Variants in CLUH observed in about 807,000 individuals in gnomAD.
CLUH encodes the protein clustered mitochondria protein homolog.
In CLUH, 77 loss-of-function variants were observed where a neutral mutation model predicts 139.3. The observed-to-expected ratio is 0.55, with a 90% CI of 0.46 to 0.67. The LOEUF is 0.67. CLUH is among the 30% of genes least tolerant of loss of function. The pLI is 0.00. For synonymous variants in CLUH, 999 were observed against 801.6 expected (o/e 1.25, Z -4.16); for missense variants, 1,876 against 1,875.8 (o/e 1.00, Z 0.00).
intron 1 of CLUH, among the ~76,000 whole-genome samples, chr17:2,710,031 G>A (rs574244132): frequency 6.8e-6 from 1 of 147,508 alleles, no homozygotes; most frequent in East Asian, 2.1e-4. Flanking sequence ...ACAGACGCTC[G>A]TCAGCCCCCT....
chr17:2,698,665 A>C, intron 9 of CLUH, 75 bp from the exon 10 acceptor site: 9 of 1,371,308 alleles, frequency 6.6e-6, no homozygotes, highest in Non-Finnish European at 8.7e-6. Context: ...AAGCGCACGC[A>C]CCTAGACCGC....
chr17:2,711,512 C>A, intron 1 of CLUH, 50 bp downstream of exon 1: 2 of 498,554 alleles, frequency 4.0e-6, no homozygotes, highest in Non-Finnish European at 5.2e-6. Flanking sequence ...CCCGCCCGCC[C>A]TGGTCCGGCG....
rs950890650 is a variant in CLUH at position 2,695,227 on chromosome 17, C to G, written c.2598G>C (p.Thr866=). ...ITRSAKHIFK[T]YLQGVELSGL... ...AGCGGACGGGTGGCACCTGTAAGTA[C>G]GTCTTGAAGATGTGCTTGGCCGAGC... Residue 866 remains threonine, a synonymous_variant, in exon 15 of 26, where the codon ACG becomes ACC. Coordinates refer to ENST00000651024, the MANE Select transcript of CLUH (RefSeq NM_001366661.1). The G allele has an allele frequency of 1.2e-6, 2 of 1,613,894 alleles. No homozygotes were observed. Among genetic ancestry groups the G allele is most frequent in the Non-Finnish European group, 1.7e-6 (2 of 1,179,852 alleles).
At position 2,703,626 on chromosome 17, in the gene CLUH, C is replaced by T; in HGVS notation, c.304-137G>A. The T allele has an allele frequency of 1.3e-6, 1 of 791,988 alleles. No individual in the cohort carries two copies. Among genetic ancestry groups the T allele is most frequent in the East Asian group, 2.6e-5 (1 of 38,000 alleles). 49.1% of individuals were successfully genotyped at this position (791,988 alleles called of 1,614,324 possible). On this transcript the variant is annotated intron_variant, in intron 2 of 25. Transcript: ENST00000651024. This position sits in a 1 kb window ranked among gnomAD's most constrained non-coding sequence, Gnocchi z 4.2. The stretch of plus-strand genomic sequence containing the variant: ...TGTCCCCAGCCCAAAGTACCTTGGT[C>T]CCCAGAATAAATGCCCCAAATACTC...
chr17:2,697,841 C>T (rs1439002291), intron 10 of CLUH, 55 bp downstream of exon 10: 22 of 1,415,634 alleles, frequency 1.6e-5, no homozygotes, highest in East Asian at 5.0e-5. Context: ...CCACCCAGGG[C>T]GCCCGCACTC....
In CLUH at chr17:2,701,936, G is replaced by A; in HGVS notation, c.597C>T (p.Val199=). 1 of 1,613,948 alleles carries A rather than the reference G, an allele frequency of 6.2e-7. No individual in the cohort carries two copies. The highest frequency in any genetic ancestry group is 8.5e-7 in the Non-Finnish European group (1 of 1,179,908). The change falls in exon 4 of 26, where the codon GTC becomes GTT. Residue 199 remains valine (V), a synonymous_variant. Transcript: ENST00000651024. ...VDCNSLSFLS[V]FTDGDLGDSG... ...CACCTCCCAGGTCGCCGTCGGTGAA[G>A]ACACTCAGGAAGGACAAGGAGTTGC...
In CLUH at chr17:2,707,140, C is replaced by T; in HGVS notation, c.101-2576G>A. On this transcript the variant is annotated intron_variant, in intron 1 of 25. Coordinates refer to ENST00000651024, the MANE Select transcript of CLUH (RefSeq NM_001366661.1). The surrounding 1 kb of genome is among the most constrained non-coding windows in gnomAD (Gnocchi z 7.4). ...AAGGCTGAGCGATCTCCCCCGCAGG[C>T]AGCTGGCTGGCTCACCAGGTCCCGG... The T allele has an allele frequency of 1.0e-6, 1 of 980,956 alleles. No homozygotes were observed. Among genetic ancestry groups the T allele is most frequent in the Non-Finnish European group, 1.2e-6 (1 of 825,854 alleles). 60.8% of individuals were successfully genotyped at this position (980,956 alleles called of 1,614,324 possible). A position where few individuals can be genotyped will look rare whatever the true frequency, so the allele number is the denominator to read the frequency against.
At position 2,706,195 on chromosome 17, in the gene CLUH, G is replaced by A. The variant is rs1053952578; in HGVS notation, c.101-1631C>T. Among the ~76,000 whole-genome samples, 1 of 152,130 alleles carries A rather than the reference G, an allele frequency of 6.6e-6. No homozygotes were observed. The highest frequency in any genetic ancestry group is 1.5e-5 in the Non-Finnish European group (1 of 68,028). On this transcript the variant is annotated intron_variant, in intron 1 of 25. Transcript: ENST00000651024. This position sits in a 1 kb window ranked among gnomAD's most constrained non-coding sequence, Gnocchi z 4.6. Reference sequence around the variant, plus strand: ...CCCAATCCGGACCCACCAGAAACACGGAGCAGGAGCCTCAGGGAAGGGATG... The same window carrying A: ...CCCAATCCGGACCCACCAGAAACACAGAGCAGGAGCCTCAGGGAAGGGATG...
chr17:2,697,580 C>A (rs1374142063), intron 10 of CLUH, among the ~76,000 whole-genome samples: 1 of 152,130 alleles, frequency 6.6e-6, no homozygotes, highest in South Asian at 2.1e-4. Context: ...GCGGCGGGGA[C>A]CCCCGGTGCC....
At chr17:2,691,151 G>A (rs1335464893) in intron 25 of CLUH, among the ~76,000 whole-genome samples, 1 of 152,122 alleles carries the variant, frequency 6.6e-6, no homozygotes, top group Admixed American at 6.5e-5. Flanking sequence ...CCGCAGGATG[G>A]GAAGCGTGGG....
At position 2,698,471 on chromosome 17, in the gene CLUH, G is replaced by A; in HGVS notation, c.1386C>T (p.Ile462=). Residue 462 remains isoleucine (I), a synonymous_variant, in exon 10 of 26, where the codon ATC becomes ATT. Coordinates refer to ENST00000651024, the MANE Select transcript of CLUH (RefSeq NM_001366661.1). ...TKMQMFIWNN[I]FFSLGFDVRD... ...GGACGTCGAAGCCCAGGCTGAAGAAGATGTTGTTCCAGATGAACATCTGCA... is the reference window on the plus strand; with the variant it reads ...GGACGTCGAAGCCCAGGCTGAAGAAAATGTTGTTCCAGATGAACATCTGCA... 1.2e-6 allele frequency: 2 copies of A among 1,613,304 alleles called. No homozygotes were observed. The highest frequency in any genetic ancestry group is 1.7e-6 in the Non-Finnish European group (2 of 1,179,836).
intron 7 of CLUH, 119 bp downstream of exon 7, chr17:2,701,021 C>G (rs2070157997): frequency 6.5e-7 from 1 of 1,548,222 alleles, no homozygotes; most frequent in Non-Finnish European, 8.7e-7. Flanking sequence ...AGAGCGGGGA[C>G]TCCAACACTG....
At chr17:2,695,740 G>A in intron 13 of CLUH, 1 of 655,618 alleles carries the variant, frequency 1.5e-6, no homozygotes, top group Admixed American at 3.1e-5. Context: ...CTAACCATGT[G>A]GGAGAAGCAG....
At chr17:2,708,048 A>G in intron 1 of CLUH, 1 of 976,574 alleles carries the variant, frequency 1.0e-6, no homozygotes, top group South Asian at 4.7e-5. Flanking sequence ...CAGAGCTGGC[A>G]GCAAGAGGCC....
Position 2,703,957 on chromosome 17 carries a change from G to A in CLUH, c.303+405C>T, listed in dbSNP as rs1179677300. ...TCGTTCCCCACTGAGTCACCGGCTT[G>A]CAAGACCTCCACGCTGGCTCTGCCC... On this transcript the variant is annotated intron_variant, in intron 2 of 25. Transcript: ENST00000651024. The surrounding 1 kb of genome is among the most constrained non-coding windows in gnomAD (Gnocchi z 4.2). 6.6e-6 allele frequency among the ~76,000 whole-genome samples: 1 copy of A among 152,178 alleles called. No individual in the cohort carries two copies. Among genetic ancestry groups the A allele is most frequent in the Non-Finnish European group, 1.5e-5 (1 of 68,040 alleles).
chr17:2,711,610 G>C lies in CLUH; in HGVS notation c.52C>G (p.Arg18Gly). 5 of 982,656 alleles carry C rather than the reference G, an allele frequency of 5.1e-6. No individual in the cohort carries two copies. Among genetic ancestry groups the C allele is most frequent in the Non-Finnish European group, 6.0e-6 (5 of 829,082 alleles). 60.9% of individuals were successfully genotyped at this position (982,656 alleles called of 1,614,324 possible). The change falls in exon 1 of 26, where the codon CGG (arginine) becomes GGG (glycine). Residue 18 changes from arginine to glycine, a missense_variant. By Grantham distance (125) the Arg-to-Gly change is moderately radical. Transcript: ENST00000651024. ...LPAAAPADSA[R>G]EHGSQAGGKG... The stretch of plus-strand genomic sequence containing the variant: ...CCCCCGGCCTGCGAGCCGTGTTCCC[G>C]GGCGCTGTCGGCCGGGGCGGCCGCC...
chr17:2,697,378 G>A (rs548278730), intron 10 of CLUH, among the ~76,000 whole-genome samples: 178 of 149,920 alleles, frequency 1.2e-3, no homozygotes, highest in African/African-American at 3.6e-3. Context: ...CAGCCTAGGC[G>A]ACAAGAGTGA....
chr17:2,696,064 T>C (rs1054899518), intron 13 of CLUH, 95 bp downstream of exon 13: 5 of 1,020,690 alleles, frequency 4.9e-6, no homozygotes, highest in South Asian at 1.5e-5. Context: ...AAGTCACTCC[T>C]GCGAGCCTGT....
At chr17:2,691,465 G>A (rs2069629685) in intron 25 of CLUH, 144 bp downstream of exon 25, 5 of 784,754 alleles carry the variant, frequency 6.4e-6, no homozygotes, top group South Asian at 4.8e-5. Context: ...GGGAGGCTGA[G>A]GCAGGAGAAT....
Sources: allele counts gnomAD v4.1 joint callset (sites outside exome capture counted in the v4.1 genomes callset), GRCh38; gene constraint gnomAD v4.1.1; non-coding constraint Gnocchi (gnomAD v3.1); transcripts MANE v1.5; gene names NCBI Gene and HGNC (gene_info 2026-07-23, HGNC 2026-07-21).